The following CCDC180 variants were observed in gnomAD, a reference collection of about 807,000 sequenced individuals.
The protein encoded by CCDC180 is coiled-coil domain-containing protein 180.
Under a neutral mutation model 209.2 loss-of-function variants are expected in CCDC180, and 154 were observed. That is an observed-to-expected ratio of 0.74 (90% confidence interval 0.65 to 0.84). CCDC180 has a LOEUF of 0.84. CCDC180 is among the 40% of genes least tolerant of loss of function. The probability of loss-of-function intolerance (pLI) is 0.00; values close to 1 mark genes in which losing one functional copy is unlikely to be tolerated. For synonymous variants in CCDC180, 778 were observed against 749.1 expected, an observed-to-expected ratio of 1.04 and a Z score of -0.63; for missense variants, 1,874 against 1,997.3, an observed-to-expected ratio of 0.94 and a Z score of 1.18.
At chr9:97,307,865 AC>A (rs1832846189) in intron 1 of CCDC180, 59 bp downstream of exon 1, 1 of 1,606,490 alleles carries the variant, frequency 6.2e-7, no homozygotes, top group African/African-American at 1.3e-5. Flanking sequence ...CCAGCCGCCT[AC>A]CCCCCAGCAG....
intron 28 of CCDC180, 51 bp from the exon 29 acceptor site, chr9:97,364,000 C>A: frequency 6.4e-7 from 1 of 1,569,634 alleles, no homozygotes; most frequent in Non-Finnish European, 8.8e-7. Flanking sequence ...CTCAGACCTG[C>A]CTTGCGTCTG....
At chr9:97,318,989 C>T (rs767925423) in intron 10 of CCDC180, among the ~76,000 whole-genome samples, 38 of 152,098 alleles carry the variant, frequency 2.5e-4, no homozygotes, top group Non-Finnish European at 4.9e-4. Context: ...AGGCACCTGT[C>T]GGAGGCTGTG....
rs1288876273 is a variant in CCDC180, at chr9:97,371,459, G to A, written c.4489-136G>A. ...GAGGCCTCCTGGCTGAGGGCCAGAT[G>A]CTGGTTACTTGGACACAGTGGATAT... On this transcript the variant is annotated intron_variant, in intron 33 of 36. Coordinates refer to ENST00000529487, the MANE Select transcript of CCDC180 (RefSeq NM_020893.6). 6.0e-6 allele frequency: 3 copies of A among 503,764 alleles called. No homozygotes were observed. The East Asian group carries it at 8.5e-5, about 14-fold the overall frequency. The allele number at this position is 503,764 out of a possible 1,614,324, so 31.2% of individuals were successfully genotyped here.
intron 18 of CCDC180, among the ~76,000 whole-genome samples, chr9:97,340,537 A>G (rs1232054531): frequency 6.6e-6 from 1 of 152,224 alleles, no homozygotes; most frequent in Non-Finnish European, 1.5e-5. Flanking sequence ...TTATTCCAAT[A>G]TTATAATAAT....
chr9:97,324,937 CAG>C (rs1410235765), intron 13 of CCDC180, 80 bp from the exon 14 acceptor site: 26 of 1,331,216 alleles, frequency 2.0e-5, no homozygotes, highest in East Asian at 9.4e-5. Context: ...TCGTTAGAGA[CAG>C]GGGGTCCCAC....
chr9:97,357,480 A>G, intron 24 of CCDC180, 147 bp from the exon 25 acceptor site: 1 of 673,314 alleles, frequency 1.5e-6, no homozygotes, highest in Non-Finnish European at 2.6e-6. Flanking sequence ...TTTAATTTGT[A>G]TCAATGTCTG....
At chr9:97,321,850 G>A (rs1833368199) in intron 11 of CCDC180, among the ~76,000 whole-genome samples, 1 of 152,006 alleles carries the variant, frequency 6.6e-6, no homozygotes, top group Non-Finnish European at 1.5e-5. Context: ...AGAGGGAGGA[G>A]GCATTCCAAG....
At chr9:97,340,615 C>G (rs1826047838) in intron 18 of CCDC180, among the ~76,000 whole-genome samples, 1 of 152,186 alleles carries the variant, frequency 6.6e-6, no homozygotes, top group Non-Finnish European at 1.5e-5. Context: ...GGACACAGTG[C>G]AAAGTGACCA....
chr9:97,316,906 AC>A (rs1328474519), intron 8 of CCDC180, among the ~76,000 whole-genome samples, 158 bp from the exon 9 acceptor site: 2 of 152,064 alleles, frequency 1.3e-5, no homozygotes, highest in Non-Finnish European at 2.9e-5. Context: ...TCGAGTGCCC[AC>A]TGACCCCTCA....
chr9:97,371,826 G>A (rs1827110273), intron 34 of CCDC180, 120 bp downstream of exon 34: 1 of 532,078 alleles, frequency 1.9e-6, no homozygotes, highest in African/African-American at 1.9e-5. Context: ...TGAGGGGACT[G>A]ATTAATTTTT....
At chr9:97,368,548 A>T (rs916508599) in intron 31 of CCDC180, among the ~76,000 whole-genome samples, 1 of 152,230 alleles carries the variant, frequency 6.6e-6, no homozygotes, top group Non-Finnish European at 1.5e-5. Flanking sequence ...GGGTGAAGAA[A>T]AAAAACTCCA....
chr9:97,340,142 T>A (rs751182859), intron 18 of CCDC180, among the ~76,000 whole-genome samples: 4 of 152,176 alleles, frequency 2.6e-5, no homozygotes, highest in Admixed American at 6.5e-5. Context: ...TATTACCAAC[T>A]TTCTGAAGCC....
intron 15 of CCDC180, among the ~76,000 whole-genome samples, chr9:97,327,593 G>A (rs1046532080): frequency 1.3e-5 from 2 of 152,142 alleles, no homozygotes; most frequent in African/African-American, 2.4e-5. Context: ...CCAATTGATT[G>A]CAGTACTTAG....
chr9:97,329,502 A>C (rs1441432730), intron 16 of CCDC180, among the ~76,000 whole-genome samples: 1 of 152,234 alleles, frequency 6.6e-6, no homozygotes, highest in African/African-American at 2.4e-5. Context: ...TGTCTGTTCC[A>C]TCTAGCACAG....
chr9:97,374,903 G>A (rs1179114471), intron 35 of CCDC180, among the ~76,000 whole-genome samples: 2 of 152,200 alleles, frequency 1.3e-5, no homozygotes, highest in Non-Finnish European at 2.9e-5. Context: ...CACATGATAA[G>A]GACCCACCAA....
At chr9:97,367,345 C>T (rs1438885550) in intron 31 of CCDC180, among the ~76,000 whole-genome samples, 1 of 152,070 alleles carries the variant, frequency 6.6e-6, no homozygotes, top group East Asian at 1.9e-4. Context: ...TTTCAGAGGC[C>T]CTCTGGGTAG....
Position 97,370,640 on chromosome 9 carries a change from G to C in CCDC180, c.4351-1G>C. The C allele has an allele frequency of 6.2e-7, 1 of 1,613,414 alleles. No individual in the cohort carries two copies. The highest frequency in any genetic ancestry group is 8.5e-7 in the Non-Finnish European group (1 of 1,179,806). On this transcript the variant is annotated splice_acceptor_variant, in intron 32 of 36. Transcript: ENST00000529487. LOFTEE classifies it high-confidence loss of function. ...CTGAATTCTGGATTGTTTGATTAAA[G>C]GACAAAAATGCCCAGAAGCTCCATC... is the stretch of plus-strand genomic sequence containing the variant.
Position 97,349,328 on chromosome 9 carries a change from G to T in CCDC180, c.2855+37G>T, listed in dbSNP as rs180735266. ...TGGGAGTCTCCACCCCAGCCATGTG[G>T]CTCTGGAATCCCAGTTCGGCTGCTG... is the stretch of plus-strand genomic sequence containing the variant. On this transcript the variant is annotated intron_variant, in intron 21 of 36. Transcript: ENST00000529487. The T allele has an allele frequency of 2.0e-6, 3 of 1,515,358 alleles. No individual in the cohort carries two copies. The African/African-American group carries it at 4.1e-5, about 21-fold the overall frequency. 93.9% of individuals were successfully genotyped at this position (1,515,358 alleles called of 1,614,324 possible).
intron 21 of CCDC180, among the ~76,000 whole-genome samples, chr9:97,349,772 C>T (rs1826371519): frequency 6.6e-6 from 1 of 152,180 alleles, no homozygotes; most frequent in Admixed American, 6.5e-5. Flanking sequence ...ATGGAGGCCT[C>T]AGGCAGGTCA....
Sources: gnomAD v4.1 joint callset for allele counts (sites outside exome capture counted in the v4.1 genomes callset) on GRCh38, gnomAD v4.1.1 for gene constraint, MANE v1.5 for transcripts, NCBI Gene and HGNC (gene_info 2026-07-23, HGNC 2026-07-21) for gene names.